Variants in TMEM132D observed in about 807,000 individuals in gnomAD.
The protein encoded by TMEM132D is transmembrane protein 132D, also known as mature OL transmembrane protein.
A neutral mutation model predicts 62.3 loss-of-function variants in TMEM132D; 21 were observed. The ratio of observed to expected loss-of-function variants is 0.34; its 90% CI spans 0.24 to 0.49. TMEM132D has a LOEUF of 0.49. Ranked by LOEUF, TMEM132D falls within the 20% of genes least tolerant of loss-of-function variation. The pLI is 0.99. For missense variants in TMEM132D, 1,346 were observed against 1,402.8 expected (o/e 0.96, Z 0.65); for synonymous variants, 621 against 575.6 (o/e 1.08, Z -1.13).
intron 5 of TMEM132D, among the ~76,000 whole-genome samples, chr12:129,129,037 T>C (rs887858847): frequency 6.6e-6 from 1 of 152,182 alleles, no homozygotes; most frequent in Non-Finnish European, 1.5e-5. Context: ...GGGTTTCTAC[T>C]TGGGTATATT....
At chr12:129,899,454 G>A (rs1295290262) in intron 1 of TMEM132D, among the ~76,000 whole-genome samples, 2 of 151,624 alleles carry the variant, frequency 1.3e-5, no homozygotes, top group Non-Finnish European at 2.9e-5. Flanking sequence ...TGGGTAGATG[G>A]ACTGGTGGAT....
At chr12:129,206,991 C>T (rs891309347) in intron 5 of TMEM132D, among the ~76,000 whole-genome samples, 2 of 152,130 alleles carry the variant, frequency 1.3e-5, no homozygotes, top group Non-Finnish European at 2.9e-5. Flanking sequence ...AAAAATACCT[C>T]TTGAGTACTG....
At chr12:129,152,892 G>T (rs1047626824) in intron 5 of TMEM132D, among the ~76,000 whole-genome samples, 1 of 152,112 alleles carries the variant, frequency 6.6e-6, no homozygotes, top group African/African-American at 2.4e-5. Context: ...GAGATGCCAG[G>T]GTATCTTTCT....
At chr12:129,553,926 C>T (rs981747349) in intron 2 of TMEM132D, among the ~76,000 whole-genome samples, 1 of 152,192 alleles carries the variant, frequency 6.6e-6, no homozygotes, top group Non-Finnish European at 1.5e-5. Context: ...TGTCCAAAAG[C>T]CAGGGCCCAT....
chr12:129,751,429 T>C (rs895836901), intron 1 of TMEM132D, among the ~76,000 whole-genome samples: 3 of 152,062 alleles, frequency 2.0e-5, no homozygotes, highest in Non-Finnish European at 4.4e-5. Context: ...TCCCCTGACA[T>C]GGGGGGATTA....
At chr12:129,397,460 G>C (rs978432630) in intron 3 of TMEM132D, among the ~76,000 whole-genome samples, 10 of 152,126 alleles carry the variant, frequency 6.6e-5, no homozygotes, top group African/African-American at 2.4e-4. Context: ...AAAACTACAT[G>C]AAATCTAGCT....
At chr12:129,220,481 G>C (rs576344366) in intron 4 of TMEM132D, among the ~76,000 whole-genome samples, 33 of 152,314 alleles carry the variant, frequency 2.2e-4, no homozygotes, top group African/African-American at 7.9e-4. Flanking sequence ...ACCTTGTGGG[G>C]ATGAGATTTA....
intron 4 of TMEM132D, among the ~76,000 whole-genome samples, chr12:129,244,340 C>A (rs1447155333): frequency 1.4e-5 from 2 of 146,052 alleles, no homozygotes; most frequent in African/African-American, 5.1e-5. Flanking sequence ...GAGCCGAGAT[C>A]GCGCCACTGC....
At chr12:129,422,095 T>A (rs201558883) in intron 3 of TMEM132D, among the ~76,000 whole-genome samples, 4 of 139,540 alleles carry the variant, frequency 2.9e-5, no homozygotes, top group African/African-American at 2.7e-5. Context: ...ACAGCAATGT[T>A]AAAAAAAAAA....
chr12:129,537,682 G>A (rs927594707), intron 2 of TMEM132D, among the ~76,000 whole-genome samples: 4 of 152,138 alleles, frequency 2.6e-5, no homozygotes, highest in Admixed American at 2.0e-4. Flanking sequence ...GGCTCTAAAC[G>A]GACATAAGGA....
rs571536134 is a variant in TMEM132D at position 129,749,627 on chromosome 12, T to C, written c.80-48929A>G. ...ATGAGCCACCATGCCCCACTAATTT[T>C]TTTTTGTGTGTACTTTTAGTAGAGA... On this transcript the variant is annotated intron_variant, in intron 1 of 8. Coordinates refer to ENST00000422113, the MANE Select transcript of TMEM132D (RefSeq NM_133448.3). 2.6e-5 allele frequency among the ~76,000 whole-genome samples: 4 copies of C among 151,636 alleles called. No individual in the cohort carries two copies. In the South Asian group the frequency reaches 8.4e-4, roughly 32 times the overall value.
chr12:129,176,204 T>C (rs2135548752), intron 5 of TMEM132D, among the ~76,000 whole-genome samples: 1 of 152,354 alleles, frequency 6.6e-6, no homozygotes, highest in Admixed American at 6.5e-5. Context: ...AACTCCATTC[T>C]TGCCTTTGCC....
At chr12:129,410,508 C>T (rs2135705516) in intron 3 of TMEM132D, among the ~76,000 whole-genome samples, 1 of 151,806 alleles carries the variant, frequency 6.6e-6, no homozygotes, top group Middle Eastern at 3.4e-3. Flanking sequence ...TACAGGTGCG[C>T]ACCACCAAAC....
At chr12:129,879,969 T>G (rs1186686461) in intron 1 of TMEM132D, among the ~76,000 whole-genome samples, 1 of 152,054 alleles carries the variant, frequency 6.6e-6, no homozygotes, top group Non-Finnish European at 1.5e-5. Context: ...AGGAAACATG[T>G]GATGATTTTC....
intron 5 of TMEM132D, among the ~76,000 whole-genome samples, chr12:129,166,762 CATATATATATATACATATAT>C (rs1242719333): frequency 6.6e-4 from 13 of 19,702 alleles, no homozygotes; most frequent in South Asian, 2.3e-3. Context: ...TACACACACA[CATATATATATATACATATAT>C]ATATATATAT....
At position 129,586,520 on chromosome 12, in the gene TMEM132D, G is replaced by A. The variant is rs368068644; in HGVS notation, c.969-55315C>T. On this transcript the variant is annotated intron_variant, in intron 2 of 8. Transcript: ENST00000422113. Reference sequence around the variant, plus strand: ...GTGAGTCTGAGATCAGGGTGCCAGCGTGGTCGGGTTCTAGGAGAGCCCTCT... The same window carrying A: ...GTGAGTCTGAGATCAGGGTGCCAGCATGGTCGGGTTCTAGGAGAGCCCTCT... 1.0e-3 allele frequency among the ~76,000 whole-genome samples: 152 copies of A among 152,242 alleles called. 1 individual carries two copies. Among genetic ancestry groups the A allele is most frequent in the African/African-American group, 3.0e-3 (123 of 41,544 alleles).
chr12:129,244,201 CG>C, intron 4 of TMEM132D, among the ~76,000 whole-genome samples: 1 of 149,176 alleles, frequency 6.7e-6, no homozygotes, highest in East Asian at 2.0e-4. Flanking sequence ...CTGGCTAACG[CG>C]GTGAAACCCC....
intron 2 of TMEM132D, among the ~76,000 whole-genome samples, chr12:129,604,080 A>G (rs1878552497): frequency 6.6e-6 from 1 of 152,060 alleles, no homozygotes; most frequent in African/African-American, 2.4e-5. Flanking sequence ...AAAACCAAAC[A>G]CTGCATGTTC....
chr12:129,723,552 C>G (rs1868920430), intron 1 of TMEM132D, among the ~76,000 whole-genome samples: 1 of 152,190 alleles, frequency 6.6e-6, no homozygotes, highest in South Asian at 2.1e-4. Context: ...TTTTGGCCAC[C>G]ATTGCAGACC....
Sources: allele counts gnomAD v4.1 joint callset (sites outside exome capture counted in the v4.1 genomes callset), GRCh38; gene constraint gnomAD v4.1.1; transcripts MANE v1.5; gene names NCBI Gene and HGNC (gene_info 2026-07-23, HGNC 2026-07-21).